CXXC4: variants seen among roughly 807,000 people sequenced by gnomAD.
The protein encoded by CXXC4 is CXXC-type zinc finger protein 4.
A neutral mutation model predicts 20.5 loss-of-function variants in CXXC4; 5 were observed. The ratio of observed to expected loss-of-function variants is 0.24; its 90% confidence interval spans 0.13 to 0.51. CXXC4 has a LOEUF of 0.51. Among genes scored for constraint, CXXC4 ranks in the 20% least tolerant of loss-of-function variants. The probability of loss-of-function intolerance (pLI) is 0.97; values close to 1 mark genes in which losing one functional copy is unlikely to be tolerated. For missense variants in CXXC4, 419 were observed against 496.4 expected, an observed-to-expected ratio of 0.84 and a Z score of 1.48; for synonymous variants, 250 against 216.4, an observed-to-expected ratio of 1.16 and a Z score of -1.36.
Position 104,472,286 on chromosome 4 carries a change from T to C in CXXC4, c.*36A>G. On this transcript the variant is annotated 3_prime_UTR_variant, in exon 3 of 3. Coordinates refer to ENST00000394767, the MANE Select transcript of CXXC4 (RefSeq NM_025212.4). ...AAACAAGACATTAGTTTGCCCTTCA[T>C]TTCCAAATGCCTTGAAAATAAGATA... The C allele has an allele frequency of 6.7e-7, 1 of 1,490,322 alleles. No homozygotes were observed. Among genetic ancestry groups the C allele is most frequent in the Non-Finnish European group, 9.2e-7 (1 of 1,087,710 alleles). The allele number at this position is 1,490,322 out of a possible 1,614,324, so 92.3% of individuals were successfully genotyped here.
At chr4:104,477,572 G>A (rs1198211532) in intron 2 of CXXC4, among the ~76,000 whole-genome samples, 3 of 147,396 alleles carry the variant, frequency 2.0e-5, no homozygotes, top group African/African-American at 8.1e-5. Context: ...TTTTGTAAAT[G>A]ATAGGTTTTA....
At chr4:104,476,110 G>A (rs551729920) in intron 2 of CXXC4, among the ~76,000 whole-genome samples, 2 of 152,040 alleles carry the variant, frequency 1.3e-5, no homozygotes, top group African/African-American at 4.8e-5. Context: ...GAATTTCCTT[G>A]AATAAAAGAA....
Position 104,491,055 on chromosome 4 carries a change from C to T in CXXC4, c.748G>A (p.Gly250Arg). The T allele has an allele frequency of 1.2e-6, 2 of 1,614,014 alleles. No homozygotes were observed. The highest frequency in any genetic ancestry group is 2.2e-5 in the South Asian group (2 of 91,076). Residue 250 changes from glycine to arginine, a missense_variant, in exon 2 of 3, where the codon GGG (glycine) becomes AGG (arginine). By Grantham distance (125) the Gly-to-Arg change is moderately radical. Transcript: ENST00000394767. ...TGAAGGGCTGTCATGACGATGACCC[C>T]TGGAGGTAATGAGATGCCCCCTAAA... ...PALGGISLPP[G>R]VIVMTALHSP...
At chr4:104,483,797 C>T (rs1736613234) in intron 2 of CXXC4, among the ~76,000 whole-genome samples, 1 of 151,850 alleles carries the variant, frequency 6.6e-6, no homozygotes, top group African/African-American at 2.4e-5. Context: ...CACACACACA[C>T]ATCTATCAAA....
chr4:104,487,701 T>G (rs1411623189), intron 2 of CXXC4, among the ~76,000 whole-genome samples: 1 of 152,196 alleles, frequency 6.6e-6, no homozygotes, highest in Non-Finnish European at 1.5e-5. Flanking sequence ...TGGCTATTTT[T>G]TTAACAGAGT....
intron 2 of CXXC4, among the ~76,000 whole-genome samples, chr4:104,485,154 C>T (rs1205275728): frequency 6.6e-6 from 1 of 152,012 alleles, no homozygotes; most frequent in Non-Finnish European, 1.5e-5. Flanking sequence ...ACTTCCCCAG[C>T]TAAGATCATC....
chr4:104,476,927 G>A (rs903433199), intron 2 of CXXC4, among the ~76,000 whole-genome samples: 1 of 152,050 alleles, frequency 6.6e-6, no homozygotes, highest in Non-Finnish European at 1.5e-5. Flanking sequence ...CCAAACTTAA[G>A]GCAATTTCAG....
chr4:104,486,243 A>T (rs530549827), intron 2 of CXXC4, among the ~76,000 whole-genome samples: 26 of 152,260 alleles, frequency 1.7e-4, no homozygotes, highest in African/African-American at 6.3e-4. Flanking sequence ...TTAAACTGAC[A>T]GTTAAAATTA....
rs771340248 is a variant in CXXC4 at position 104,490,993 on chromosome 4, A to T, written c.810T>A (p.Ser270Arg). The part of the protein sequence containing the change: ...PAAASAAVTD[S>R]AFQIANLADC... Reference sequence around the variant, plus strand: ...CTGCCAGATTGGCAATTTGAAACGCACTGTCTGTGACGGCTGCTGAGGCTG... The same window carrying T: ...CTGCCAGATTGGCAATTTGAAACGCTCTGTCTGTGACGGCTGCTGAGGCTG... The change falls in exon 2 of 3, where the codon AGT (serine) becomes AGA (arginine). Residue 270 changes from serine (S) to arginine (R), a missense_variant. Ser to Arg is a moderately radical substitution (Grantham distance 110). Transcript: ENST00000394767. 6.2e-7 allele frequency: 1 copy of T among 1,614,010 alleles called. No homozygotes were observed. Among genetic ancestry groups the T allele is most frequent in the Non-Finnish European group, 8.5e-7 (1 of 1,180,004 alleles).
intron 2 of CXXC4, among the ~76,000 whole-genome samples, chr4:104,481,442 A>T (rs548464916): frequency 8.5e-5 from 13 of 152,154 alleles, no homozygotes; most frequent in Non-Finnish European, 1.8e-4. Flanking sequence ...CTGAGGGATG[A>T]GAATAGCTTG....
chr4:104,485,759 C>A (rs1736672933), intron 2 of CXXC4, among the ~76,000 whole-genome samples: 1 of 152,078 alleles, frequency 6.6e-6, no homozygotes, highest in Admixed American at 6.5e-5. Context: ...GGATCAAATG[C>A]CTGTTCTTTT....
intron 2 of CXXC4, among the ~76,000 whole-genome samples, chr4:104,489,343 T>TAA (rs571697639): frequency 4.6e-5 from 7 of 151,638 alleles, no homozygotes; most frequent in South Asian, 2.1e-4. Flanking sequence ...AATTAAAGGT[T>TAA]AAAAAAAAAA....
rs1578312011 is a variant in CXXC4, at chr4:104,470,367, T to C, written c.*1955A>G. ...GGGTGTAACACATCATGAGTTTTTC[T>C]TGAAAACGCTTGTTGACCATAACTG... On this transcript the variant is annotated 3_prime_UTR_variant, in exon 3 of 3. Transcript: ENST00000394767. 2 of 152,008 alleles carry C rather than the reference T, an allele frequency of 1.3e-5. No individual in the cohort carries two copies. The highest frequency in any genetic ancestry group is 1.9e-4 in the East Asian group (1 of 5,178). The allele number at this position is 152,008 out of a possible 1,614,324, so 9.4% of individuals were successfully genotyped here.
Position 104,491,467 on chromosome 4 carries a change from G to A in CXXC4, c.336C>T (p.Gly112=), listed in dbSNP as rs1032157514. 1.7e-6 allele frequency: 1 copy of A among 574,546 alleles called. No homozygotes were observed. Among genetic ancestry groups the A allele is most frequent in the Non-Finnish European group, 2.3e-6 (1 of 443,142 alleles). 35.6% of individuals were successfully genotyped at this position (574,546 alleles called of 1,614,324 possible). The change falls in exon 2 of 3, where the codon GGC becomes GGT. Residue 112 remains glycine (G), a synonymous_variant. Coordinates refer to ENST00000394767, the MANE Select transcript of CXXC4 (RefSeq NM_025212.4). ...CGCCGCCGCCACCCCCCCCGCCGCC[G>A]CCCCCGCCCCCGCCGCTGCCCCAGA... is the stretch of plus-strand genomic sequence containing the variant. The part of the protein sequence containing the change: ...AMLWGSGGGG[G]GGGGGGGGGG...
At chr4:104,493,027 C>T (rs1736941297) in intron 1 of CXXC4, among the ~76,000 whole-genome samples, 1 of 140,890 alleles carries the variant, frequency 7.1e-6, no homozygotes, top group South Asian at 2.2e-4. Flanking sequence ...CTCACAATCA[C>T]TGATTTTTAC....
intron 1 of CXXC4, among the ~76,000 whole-genome samples, chr4:104,493,774 G>A (rs1200852507): frequency 6.6e-6 from 1 of 152,190 alleles, no homozygotes; most frequent in Non-Finnish European, 1.5e-5. Context: ...GAAGGGGTGA[G>A]GGAAGACACA....
At chr4:104,484,185 T>G (rs1736627118) in intron 2 of CXXC4, among the ~76,000 whole-genome samples, 1 of 152,008 alleles carries the variant, frequency 6.6e-6, no homozygotes, top group Non-Finnish European at 1.5e-5. Context: ...TATAGCATCT[T>G]TCAGTTTGCC....
At chr4:104,487,161 C>A (rs1736721780) in intron 2 of CXXC4, among the ~76,000 whole-genome samples, 1 of 152,074 alleles carries the variant, frequency 6.6e-6, no homozygotes, top group African/African-American at 2.4e-5. Context: ...CTCTCAATGT[C>A]TTCACTATAA....
At chr4:104,494,449 G>A (rs1736986453) in intron 1 of CXXC4, 1 of 151,928 alleles carries the variant, frequency 6.6e-6, no homozygotes, top group Admixed American at 6.6e-5. Context: ...AATCCCAACG[G>A]ACAGCAAACA....
Sources: allele counts gnomAD v4.1 joint callset (sites outside exome capture counted in the v4.1 genomes callset), GRCh38; gene constraint gnomAD v4.1.1; transcripts MANE v1.5; gene names NCBI Gene and HGNC (gene_info 2026-07-23, HGNC 2026-07-21).